GPHN: variants seen among roughly 807,000 people sequenced by gnomAD.
The protein encoded by GPHN is gephyrin.
In GPHN, 17 loss-of-function variants were observed where a neutral mutation model predicts 95.5. The ratio of observed to expected loss-of-function variants is 0.18; its 90% CI spans 0.12 to 0.27. The LOEUF (loss-of-function observed/expected upper bound fraction) is 0.27. GPHN is among the 10% of genes least tolerant of loss of function. GPHN has a pLI of 1.00. For missense variants in GPHN, 660 were observed against 978.1 expected (o/e 0.67, Z 4.34); for synonymous variants, 320 against 322.5 (o/e 0.99, Z 0.08).
At chr14:67,192,440 T>C in the GPHN span, among the ~76,000 whole-genome samples, 2 of 152,098 alleles carry the variant, frequency 1.3e-5, no homozygotes, top group African/African-American at 4.8e-5. Flanking sequence ...CCAAAGTTAA[T>C]TATGATATCT....
intron 3 of GPHN, among the ~76,000 whole-genome samples, chr14:66,783,673 CA>C (rs1367838041): frequency 6.6e-6 from 1 of 152,194 alleles, no homozygotes; most frequent in African/African-American, 2.4e-5. Flanking sequence ...CTACTCTCCC[CA>C]ACCCTTGGTA....
At chr14:67,701,277 A>G in the GPHN span, among the ~76,000 whole-genome samples, 1 of 151,920 alleles carries the variant, frequency 6.6e-6, no homozygotes, top group African/African-American at 2.4e-5. Flanking sequence ...GTAATTCACT[A>G]AGAGCAAATT....
the GPHN span, among the ~76,000 whole-genome samples, chr14:67,506,577 G>A: frequency 6.6e-6 from 1 of 152,198 alleles, no homozygotes; most frequent in Non-Finnish European, 1.5e-5. Flanking sequence ...TGTAAGACAG[G>A]TAGGGATGGA....
the GPHN span, among the ~76,000 whole-genome samples, chr14:67,483,775 G>A: frequency 6.6e-6 from 1 of 152,230 alleles, no homozygotes; most frequent in African/African-American, 2.4e-5. Flanking sequence ...GCCCGGCCCA[G>A]CCCTGCCATG....
the GPHN span, among the ~76,000 whole-genome samples, chr14:67,546,315 G>A: frequency 6.6e-6 from 1 of 152,210 alleles, no homozygotes; most frequent in Non-Finnish European, 1.5e-5. Context: ...TGACGAAGCC[G>A]AATGGTGGAT....
intron 8 of GPHN, among the ~76,000 whole-genome samples, chr14:66,927,352 A>G (rs562937045): frequency 1.3e-5 from 2 of 151,786 alleles, no homozygotes; most frequent in East Asian, 1.9e-4. Context: ...CCATCTCAAA[A>G]AAAAAAAAAA....
At position 66,546,175 on chromosome 14, in the gene GPHN, CG is replaced by C. The variant is rs202189335; in HGVS notation, c.64+37586del. 7.1e-3 allele frequency among the ~76,000 whole-genome samples: 1,077 copies of C among 151,302 alleles called. 6 individuals are homozygous for C. The highest frequency in any genetic ancestry group is 0.025 in the African/African-American group (1,027 of 41,148). On this transcript the variant is annotated intron_variant, in intron 1 of 22. Coordinates refer to ENST00000478722, the MANE Select transcript of GPHN (RefSeq NM_020806.5). ...GCTCCTCACTTCCTAGATGGGATGG[CG>C]GCCGGGAAGAGGCGCTCCTCACTTC...
At chr14:67,586,462 C>T in the GPHN span, 10 of 1,264,538 alleles carry the variant, frequency 7.9e-6, no homozygotes, top group Non-Finnish European at 1.0e-5. Context: ...TTAAGGTGCT[C>T]GCATGTTACC....
the GPHN span, chr14:67,204,946 G>T: frequency 6.2e-7 from 1 of 1,610,026 alleles, no homozygotes; most frequent in South Asian, 1.1e-5. Flanking sequence ...GGTCCCAGAG[G>T]TCCCGGATGT....
At chr14:66,936,114 C>T (rs190496079) in intron 8 of GPHN, among the ~76,000 whole-genome samples, 1 of 152,266 alleles carries the variant, frequency 6.6e-6, no homozygotes, top group African/African-American at 2.4e-5. Context: ...TGCGGTGGCT[C>T]ACGCCTGTAA....
chr14:67,334,037 G>A, the GPHN span: 1 of 152,482 alleles, frequency 6.6e-6, no homozygotes, highest in Non-Finnish European at 1.5e-5. Flanking sequence ...TTTAGCATTA[G>A]AATAAAATTA....
chr14:67,531,441 G>A, the GPHN span, among the ~76,000 whole-genome samples: 1 of 152,076 alleles, frequency 6.6e-6, no homozygotes, highest in Non-Finnish European at 1.5e-5. Context: ...CCTGCTCAGA[G>A]TTGGGCAATG....
At chr14:67,075,014 A>G (rs1487225772) in intron 11 of GPHN, among the ~76,000 whole-genome samples, 5 of 152,204 alleles carry the variant, frequency 3.3e-5, no homozygotes, top group Admixed American at 1.3e-4. Flanking sequence ...CAGGTTTTCA[A>G]TGTAGATGAA....
chr14:66,994,590 C>T (rs1336015035), intron 9 of GPHN, among the ~76,000 whole-genome samples: 2 of 152,042 alleles, frequency 1.3e-5, no homozygotes, highest in Non-Finnish European at 2.9e-5. Flanking sequence ...ATTTTCCTAG[C>T]AATAGAAAAT....
intron 3 of GPHN, among the ~76,000 whole-genome samples, chr14:66,781,642 T>C (rs1307097976): frequency 6.6e-6 from 1 of 152,242 alleles, no homozygotes; most frequent in South Asian, 2.1e-4. Context: ...TAAATCATAT[T>C]GTATGCAGTT....
chr14:67,545,897 A>G, the GPHN span, among the ~76,000 whole-genome samples: 7 of 152,150 alleles, frequency 4.6e-5, no homozygotes, highest in African/African-American at 1.7e-4. Context: ...TGGATTTTAT[A>G]TATTTGGGAA....
the GPHN span, among the ~76,000 whole-genome samples, chr14:67,459,674 T>C: frequency 6.6e-6 from 1 of 152,196 alleles, no homozygotes; most frequent in South Asian, 2.1e-4. Flanking sequence ...GAGACATCAC[T>C]TGGGCTTCTG....
the GPHN span, chr14:67,335,305 C>T: frequency 2.6e-5 from 4 of 152,336 alleles, no homozygotes; most frequent in South Asian, 8.3e-4. Flanking sequence ...GGAAAAAAGC[C>T]TTGCTGTACA....
At chr14:66,705,087 C>T (rs1015547358) in intron 2 of GPHN, among the ~76,000 whole-genome samples, 2 of 152,212 alleles carry the variant, frequency 1.3e-5, no homozygotes, top group Admixed American at 6.5e-5. Flanking sequence ...AATTCCTGGA[C>T]ATGTACACCC....
Sources: allele counts gnomAD v4.1 joint callset (sites outside exome capture counted in the v4.1 genomes callset), GRCh38; gene constraint gnomAD v4.1.1; transcripts MANE v1.5; gene names NCBI Gene and HGNC (gene_info 2026-07-23, HGNC 2026-07-21).